Variants in TBXAS1 observed in about 807,000 individuals in gnomAD.
TBXAS1 encodes thromboxane-A synthase.
A neutral mutation model predicts 60.7 loss-of-function variants in TBXAS1; 48 were observed. The ratio of observed to expected loss-of-function variants is 0.79; its 90% CI spans 0.63 to 1.01. The LOEUF (loss-of-function observed/expected upper bound fraction) is 1.01, where lower values mean the gene tolerates loss of function less well. Ranked by LOEUF, TBXAS1 falls within the 50% of genes least tolerant of loss-of-function variation. TBXAS1 has a pLI of 0.00. For missense variants in TBXAS1, 685 were observed against 686.3 expected (o/e 1.00, Z 0.02); for synonymous variants, 287 against 269.7 (o/e 1.06, Z -0.63).
intron 9 of TBXAS1, among the ~76,000 whole-genome samples, chr7:140,005,737 T>C (rs1409584837): frequency 6.6e-6 from 1 of 152,234 alleles, no homozygotes; most frequent in African/African-American, 2.4e-5. Context: ...AAACTACATA[T>C]AATTTCTGCA....
intron 3 of TBXAS1, among the ~76,000 whole-genome samples, chr7:139,890,922 A>C (rs1434830535): frequency 1.3e-5 from 2 of 152,006 alleles, no homozygotes; most frequent in Non-Finnish European, 2.9e-5. Flanking sequence ...TGTTCTTGCA[A>C]ATTGTGCATT....
chr7:140,020,113 C>T lies in TBXAS1; in HGVS notation c.*14C>T, dbSNP rs200404222. 1.5e-5 allele frequency: 24 copies of T among 1,591,598 alleles called. No individual in the cohort carries two copies. The highest frequency in any genetic ancestry group is 1.7e-5 in the Non-Finnish European group (20 of 1,165,134). On this transcript the variant is annotated 3_prime_UTR_variant, in exon 13 of 13. Coordinates refer to ENST00000448866, the MANE Select transcript of TBXAS1 (RefSeq NM_001061.7). Reference sequence around the variant, plus strand: ...GTATCCCGCTGACACAGAAGGCTGCCGGGTGGGGGGAGGGCACCCCCAAAT... The same window carrying T: ...GTATCCCGCTGACACAGAAGGCTGCTGGGTGGGGGGAGGGCACCCCCAAAT...
At chr7:140,012,235 G>C (rs986059210) in intron 10 of TBXAS1, among the ~76,000 whole-genome samples, 1 of 152,210 alleles carries the variant, frequency 6.6e-6, no homozygotes, top group East Asian at 1.9e-4. Flanking sequence ...TAGGAGGCAG[G>C]AAGTGGGGCT....
intron 4 of TBXAS1, among the ~76,000 whole-genome samples, chr7:139,915,330 T>A (rs887541041): frequency 6.6e-6 from 1 of 152,340 alleles, no homozygotes; most frequent in South Asian, 2.1e-4. Context: ...TGACACCACG[T>A]TGCCTTCCCT....
intron 4 of TBXAS1, among the ~76,000 whole-genome samples, chr7:139,931,744 G>A (rs1807346776): frequency 6.6e-6 from 1 of 152,142 alleles, no homozygotes; most frequent in Admixed American, 6.5e-5. Context: ...TGGGAATTGT[G>A]GGAGCTACAA....
chr7:139,906,054 C>A (rs1316916731), intron 3 of TBXAS1: 1 of 373,952 alleles, frequency 2.7e-6, no homozygotes, highest in Non-Finnish European at 5.2e-6. Context: ...CCTATGGATG[C>A]CAATTACTCT....
intron 9 of TBXAS1, among the ~76,000 whole-genome samples, chr7:139,976,840 G>A (rs1177797181): frequency 1.3e-5 from 2 of 152,284 alleles, no homozygotes; most frequent in African/African-American, 4.8e-5. Context: ...ATTATCAATG[G>A]CAGGACTGAC....
chr7:139,995,308 G>A (rs1156501367), intron 9 of TBXAS1, among the ~76,000 whole-genome samples: 1 of 152,162 alleles, frequency 6.6e-6, no homozygotes, highest in Admixed American at 6.5e-5. Context: ...CAAACAGCTA[G>A]TGACCTGCTC....
chr7:139,991,050 G>C (rs754582730), intron 9 of TBXAS1, among the ~76,000 whole-genome samples: 6 of 152,200 alleles, frequency 3.9e-5, no homozygotes, highest in Non-Finnish European at 8.8e-5. Flanking sequence ...ACGTGCCACT[G>C]CCACGATCTA....
intron 9 of TBXAS1, among the ~76,000 whole-genome samples, chr7:139,965,587 C>A (rs1370359504): frequency 6.6e-6 from 1 of 152,028 alleles, no homozygotes; most frequent in Non-Finnish European, 1.5e-5. Flanking sequence ...GTCCCTGGTT[C>A]CACTTTGAGA....
At chr7:139,967,624 C>A (rs985397651) in intron 9 of TBXAS1, among the ~76,000 whole-genome samples, 1 of 152,188 alleles carries the variant, frequency 6.6e-6, no homozygotes, top group Non-Finnish European at 1.5e-5. Context: ...GGAATATGAT[C>A]CCCTGATTGG....
intron 9 of TBXAS1, among the ~76,000 whole-genome samples, chr7:139,988,959 C>T (rs983682208): frequency 6.6e-6 from 1 of 152,168 alleles, no homozygotes. Context: ...GGCAGGTTCA[C>T]CCAGCTGTCT....
At chr7:139,820,659 T>G (rs1798273144) in intron 4 of TBXAS1, among the ~76,000 whole-genome samples, 1 of 152,160 alleles carries the variant, frequency 6.6e-6, no homozygotes, top group South Asian at 2.1e-4. Flanking sequence ...AAGGAAGTAG[T>G]GCATTTTTCA....
chr7:139,913,140 T>C (rs1805670159), intron 4 of TBXAS1: 3 of 702,770 alleles, frequency 4.3e-6, no homozygotes, highest in African/African-American at 1.7e-5. Context: ...GCGGCTGGCC[T>C]GCTACCTCCA....
chr7:139,956,271 T>C (rs1809859738), intron 7 of TBXAS1, among the ~76,000 whole-genome samples: 1 of 152,110 alleles, frequency 6.6e-6, no homozygotes, highest in Non-Finnish European at 1.5e-5. Context: ...CTCAGCCTCC[T>C]GAGTAGCTGG....
chr7:139,922,247 A>G (rs1806540873), intron 4 of TBXAS1, among the ~76,000 whole-genome samples: 1 of 151,782 alleles, frequency 6.6e-6, no homozygotes, highest in Non-Finnish European at 1.5e-5. Context: ...GATTACGGAC[A>G]TGTGCCACCA....
intron 4 of TBXAS1, among the ~76,000 whole-genome samples, chr7:139,931,792 T>C (rs1003041400): frequency 2.6e-5 from 4 of 152,130 alleles, no homozygotes; most frequent in African/African-American, 9.7e-5. Flanking sequence ...AACCAAACCA[T>C]ATCACTCATT....
intron 5 of TBXAS1, among the ~76,000 whole-genome samples, chr7:139,953,021 G>A (rs1190022298): frequency 6.6e-6 from 1 of 152,176 alleles, no homozygotes; most frequent in Non-Finnish European, 1.5e-5. Flanking sequence ...TTATTTACTT[G>A]CTAATGCTAA....
chr7:139,822,691 C>T (rs56095009), intron 4 of TBXAS1, among the ~76,000 whole-genome samples: 9,338 of 152,160 alleles, frequency 0.061, 951 homozygotes, highest in African/African-American at 0.21. Flanking sequence ...TGATCCTTGA[C>T]GTCCCCCTCT....
Sources: gnomAD v4.1 joint callset for allele counts (sites outside exome capture counted in the v4.1 genomes callset) on GRCh38, gnomAD v4.1.1 for gene constraint, MANE v1.5 for transcripts, NCBI Gene and HGNC (gene_info 2026-07-23, HGNC 2026-07-21) for gene names.